Variants in SAMSN1 observed in about 807,000 individuals in gnomAD.
SAMSN1 encodes the protein SAM domain-containing protein SAMSN-1.
Under a neutral mutation model 42.0 loss-of-function variants are expected in SAMSN1, and 31 were observed. That is an observed-to-expected ratio of 0.74 (90% CI 0.55 to 1.00). The LOEUF (loss-of-function observed/expected upper bound fraction) is 1.00. Ranked by LOEUF, SAMSN1 falls within the 50% of genes least tolerant of loss-of-function variation. The pLI, the probability that SAMSN1 is intolerant of heterozygous loss-of-function variation, is 0.00. For missense variants in SAMSN1, 464 were observed against 439.4 expected (o/e 1.06, Z -0.50); for synonymous variants, 178 against 151.9 (o/e 1.17, Z -1.26).
chr21:14,558,757 G>A (rs1413953726), intron 2 of SAMSN1, among the ~76,000 whole-genome samples: 1 of 152,080 alleles, frequency 6.6e-6, no homozygotes, highest in African/African-American at 2.4e-5. Context: ...CATAAGATAT[G>A]TCAAAATACC....
At chr21:14,499,918 C>A (rs978247407) in intron 6 of SAMSN1, among the ~76,000 whole-genome samples, 2 of 152,112 alleles carry the variant, frequency 1.3e-5, no homozygotes, top group African/African-American at 2.4e-5. Context: ...ACTGTAAATT[C>A]ATTGATACTA....
At chr21:14,631,419 T>G (rs532319439) in intron 2 of SAMSN1, among the ~76,000 whole-genome samples, 20 of 151,786 alleles carry the variant, frequency 1.3e-4, no homozygotes, top group East Asian at 5.8e-4. Context: ...TTGTTTGTTT[T>G]TTTCTTTGAA....
chr21:14,626,666 T>A lies in SAMSN1; in HGVS notation c.157-10650A>T, dbSNP rs187242675. Among the ~76,000 whole-genome samples the A allele has an allele frequency of 2.7e-3, 415 of 152,352 alleles. 2 individuals are homozygous for A. Among genetic ancestry groups the A allele is most frequent in the African/African-American group, 9.3e-3 (388 of 41,572 alleles). ...GGATGTGGAGAAATAGGAACACTTTTACACTGTTGGTGGGACTGTAAACTA... is the reference window on the plus strand; with the variant it reads ...GGATGTGGAGAAATAGGAACACTTTAACACTGTTGGTGGGACTGTAAACTA... On this transcript the variant is annotated intron_variant, in intron 2 of 15. Coordinates refer to the SAMSN1 transcript ENST00000647101.
chr21:14,526,666 C>A (rs772764545), intron 1 of SAMSN1, among the ~76,000 whole-genome samples: 21 of 152,126 alleles, frequency 1.4e-4, no homozygotes, highest in African/African-American at 4.8e-4. Context: ...TTAAAAAATT[C>A]TCCACTCTGA....
intron 2 of SAMSN1, among the ~76,000 whole-genome samples, chr21:14,577,285 T>TATA (rs1491266473): frequency 1.7e-3 from 63 of 36,810 alleles, no homozygotes; most frequent in Non-Finnish European, 2.6e-3. Context: ...TATATATATA[T>TATA]TTTTTTTTTA....
At chr21:14,567,251 C>T (rs894762853) in intron 2 of SAMSN1, among the ~76,000 whole-genome samples, 8 of 146,566 alleles carry the variant, frequency 5.5e-5, no homozygotes, top group African/African-American at 1.3e-4. Context: ...GGAAGTTGCA[C>T]GAGTAAGTCA....
intron 2 of SAMSN1, among the ~76,000 whole-genome samples, chr21:14,630,012 ATCT>A (rs1203275866): frequency 1.3e-5 from 2 of 152,202 alleles, no homozygotes; most frequent in Non-Finnish European, 2.9e-5. Context: ...GCCACTTATT[ATCT>A]TCTTTAATCT....
At chr21:14,514,629 A>G (rs7282220) in intron 3 of SAMSN1, among the ~76,000 whole-genome samples, 7,849 of 152,266 alleles carry the variant, frequency 0.052, 596 homozygotes, top group African/African-American at 0.17. Flanking sequence ...AGTGAGAAAA[A>G]GAAGGAATTT....
rs555656460 is a variant in SAMSN1 at position 14,500,585 on chromosome 21, T to G, written c.712A>C (p.Ser238Arg). The change falls in exon 6 of 8, where the codon AGT (serine) becomes CGT (arginine). Residue 238 changes from serine to arginine, a missense_variant. Coordinates refer to ENST00000400566, the MANE Select transcript of SAMSN1 (RefSeq NM_022136.5). ...AGAGTCTTGGATTTTTTGCTGTTAC[T>G]CCTTCGGTTTGCCTTTATTTTCTTG... is the stretch of plus-strand genomic sequence containing the variant. ...APKKIKANRR[S>R]NSKKSKTLQE... is the part of the protein sequence containing the mutation. 2.9e-5 allele frequency: 47 copies of G among 1,614,170 alleles called. No individual in the cohort carries two copies. In the African/African-American group the frequency reaches 4.4e-4, roughly 15 times the overall value.
chr21:14,577,601 T>C (rs1236757845), intron 2 of SAMSN1, among the ~76,000 whole-genome samples: 1 of 152,054 alleles, frequency 6.6e-6, no homozygotes, highest in East Asian at 1.9e-4. Flanking sequence ...TTCCTCCTTT[T>C]GTTAAGATGT....
chr21:14,619,701 T>C (rs1012698054), intron 2 of SAMSN1: 2 of 318,618 alleles, frequency 6.3e-6, no homozygotes, highest in African/African-American at 4.4e-5. Flanking sequence ...ATTAGCAAGA[T>C]AAAATAATAC....
intron 5 of SAMSN1, among the ~76,000 whole-genome samples, chr21:14,504,639 C>CCTGAGGAAGA (rs1259384410): frequency 1.3e-5 from 2 of 152,094 alleles, no homozygotes; most frequent in Admixed American, 6.5e-5. Context: ...AATCAGTGTT[C>CCTGAGGAAGA]CTGAGGAAGA....
At chr21:14,534,168 CT>C (rs1979446296) in intron 1 of SAMSN1, among the ~76,000 whole-genome samples, 1 of 152,208 alleles carries the variant, frequency 6.6e-6, no homozygotes, top group South Asian at 2.1e-4. Flanking sequence ...GAGTAGACTA[CT>C]TCTGCAGATG....
chr21:14,646,102 A>C (rs1310689152), intron 1 of SAMSN1, among the ~76,000 whole-genome samples: 1 of 152,210 alleles, frequency 6.6e-6, no homozygotes, highest in Non-Finnish European at 1.5e-5. Flanking sequence ...AAGTTTATTC[A>C]AAAGGATAAT....
At chr21:14,585,783 A>G (rs1329586240), upstream of SAMSN1, among the ~76,000 whole-genome samples, 1 of 152,212 alleles carries the variant, frequency 6.6e-6, no homozygotes, top group African/African-American at 2.4e-5. Flanking sequence ...TACATGTTTT[A>G]TATACAAAAT....
intron 1 of SAMSN1, among the ~76,000 whole-genome samples, chr21:14,653,229 A>T (rs1329617363): frequency 6.6e-6 from 1 of 151,976 alleles, no homozygotes; most frequent in Non-Finnish European, 1.5e-5. Context: ...AATAGCTAAG[A>T]TTTGGACACA....
chr21:14,530,251 A>G (rs904044717), intron 1 of SAMSN1, among the ~76,000 whole-genome samples: 1 of 143,008 alleles, frequency 7.0e-6, no homozygotes, highest in African/African-American at 2.5e-5. Context: ...TGGGAGGCGG[A>G]GCTTGCAGTG....
chr21:14,647,914 C>T (rs935665343), intron 1 of SAMSN1, among the ~76,000 whole-genome samples: 4 of 151,706 alleles, frequency 2.6e-5, no homozygotes, highest in Admixed American at 1.3e-4. Flanking sequence ...TCTAGATATA[C>T]AATCATGTCG....
chr21:14,621,157 C>A (rs1982992162), intron 2 of SAMSN1, among the ~76,000 whole-genome samples: 1 of 152,164 alleles, frequency 6.6e-6, no homozygotes. Context: ...GATTATGAAA[C>A]TTCAAAGGTA....
Sources: gnomAD v4.1 joint callset for allele counts (sites outside exome capture counted in the v4.1 genomes callset) on GRCh38, gnomAD v4.1.1 for gene constraint, MANE v1.5 for transcripts, NCBI Gene and HGNC (gene_info 2026-07-23, HGNC 2026-07-21) for gene names.